Variants in MPRIP observed in about 807,000 individuals in gnomAD.
MPRIP encodes myosin phosphatase Rho interacting protein, also known as myosin phosphatase Rho-interacting protein.
A neutral mutation model predicts 234.9 loss-of-function variants in MPRIP; 59 were observed. The observed-to-expected ratio is 0.25, with a 90% CI of 0.20 to 0.31. The LOEUF is 0.31. Ranked by LOEUF, MPRIP falls within the 10% of genes least tolerant of loss-of-function variation. The pLI, the probability that MPRIP is intolerant of heterozygous loss-of-function variation, is 1.00. For synonymous variants in MPRIP, 1,144 were observed against 1,263.9 expected, an observed-to-expected ratio of 0.91 and a Z score of 2.01; for missense variants, 2,436 against 3,071.0, an observed-to-expected ratio of 0.79 and a Z score of 4.89.
intron 3 of MPRIP, among the ~76,000 whole-genome samples, chr17:17,126,092 A>C (rs1423401652): frequency 1.3e-5 from 2 of 152,150 alleles, no homozygotes; most frequent in Admixed American, 1.3e-4. Context: ...TTCTGTCCCT[A>C]ATTTCAGTGT....
chr17:17,110,866 CA>C (rs1189140894), intron 3 of MPRIP, among the ~76,000 whole-genome samples: 2 of 152,146 alleles, frequency 1.3e-5, no homozygotes, highest in African/African-American at 4.8e-5. Context: ...CCTCAGGGGA[CA>C]GGACACTTAA....
intron 3 of MPRIP, among the ~76,000 whole-genome samples, chr17:17,090,823 G>A (rs1374008610): frequency 6.6e-6 from 1 of 152,162 alleles, no homozygotes; most frequent in Non-Finnish European, 1.5e-5. Flanking sequence ...CTGGTGGGTG[G>A]AGCTACTCTG....
At chr17:17,081,381 G>T (rs933573826) in intron 3 of MPRIP, among the ~76,000 whole-genome samples, 1 of 152,192 alleles carries the variant, frequency 6.6e-6, no homozygotes, top group South Asian at 2.1e-4. Context: ...GCCTTGCTGC[G>T]TAATTTCTGC....
Position 17,142,647 on chromosome 17 carries a change from A to C in MPRIP, c.1271A>C (p.Lys424Thr). 25 of 1,611,860 alleles carry C rather than the reference A, an allele frequency of 1.6e-5. No homozygotes were observed. Among genetic ancestry groups the C allele is most frequent in the Non-Finnish European group, 2.0e-5 (24 of 1,179,948 alleles). The change falls in exon 8 of 24, where the codon AAG (lysine) becomes ACG (threonine). Residue 424 changes from lysine (K) to threonine (T), a missense_variant. By Grantham distance (78) the Lys-to-Thr change is moderately conservative. This residue lies in a region of MPRIP where 267 missense variants were observed against 252.7 expected (regional missense o/e 1.06). Coordinates refer to ENST00000651222, the MANE Select transcript of MPRIP (RefSeq NM_001364716.4). ...TGCAGGAGGTCCCAGGTGATTGAAA[A>C]GTTTGAGGCCTTGGACATTGAGAAG... Reference protein sequence around the residue: ...NERRRSQVIEKFEALDIEKAE... With the variant: ...NERRRSQVIETFEALDIEKAE...
chr17:17,064,027 G>T (rs1205491787), intron 1 of MPRIP, among the ~76,000 whole-genome samples: 1 of 152,170 alleles, frequency 6.6e-6, no homozygotes, highest in East Asian at 1.9e-4. Context: ...TTGAGAGAAG[G>T]GATGTGGGTG....
chr17:17,086,147 T>TA (rs142621875), intron 3 of MPRIP, among the ~76,000 whole-genome samples: 4,896 of 152,298 alleles, frequency 0.032, 104 homozygotes, highest in Non-Finnish European at 0.046. Flanking sequence ...CCCATGTTTA[T>TA]AGGTGAACTC....
Position 17,136,396 on chromosome 17 carries a change from A to T in MPRIP, c.682A>T (p.Ser228Cys). The T allele has an allele frequency of 1.9e-6, 3 of 1,610,214 alleles. No individual in the cohort carries two copies. The highest frequency in any genetic ancestry group is 2.5e-6 in the Non-Finnish European group (3 of 1,178,210). ...SLSPAQSPSQSQPPAASSLRE... is the reference protein window; with the variant it reads ...SLSPAQSPSQCQPPAASSLRE... Reference sequence around the variant, plus strand: ...GAGTCCAGCTCAGAGTCCCAGCCAGAGCCAGCCTCCTGCTGCCAGCTCCCT... The same window carrying T: ...GAGTCCAGCTCAGAGTCCCAGCCAGTGCCAGCCTCCTGCTGCCAGCTCCCT... Residue 228 changes from serine to cysteine, a missense_variant, in exon 6 of 24, where the codon AGC becomes TGC. Around this residue, in one of 4 missense-constraint regions of MPRIP, gnomAD observed 267 missense variants for 252.7 expected, o/e 1.06. Transcript: ENST00000651222.
intron 1 of MPRIP, among the ~76,000 whole-genome samples, chr17:17,064,284 C>T (rs533446107): frequency 4.6e-5 from 7 of 151,514 alleles, no homozygotes; most frequent in Non-Finnish European, 7.4e-5. Context: ...TCACTGCAAC[C>T]TCCGCTTCCT....
At chr17:17,088,635 T>C (rs1415387152) in intron 3 of MPRIP, among the ~76,000 whole-genome samples, 3 of 152,192 alleles carry the variant, frequency 2.0e-5, no homozygotes, top group Non-Finnish European at 4.4e-5. Context: ...GCACATCCCT[T>C]CCACTCTCAC....
rs1017502694 is a variant in MPRIP, at chr17:17,190,491, T to G, written c.*5597T>G. The G allele has an allele frequency of 1.3e-5, 2 of 152,238 alleles. No homozygotes were observed. Among genetic ancestry groups the G allele is most frequent in the Non-Finnish European group, 2.9e-5 (2 of 68,052 alleles). 9.4% of individuals were successfully genotyped at this position (152,238 alleles called of 1,614,324 possible). A position where few individuals can be genotyped will look rare whatever the true frequency, so the allele number is the denominator to read the frequency against. ...AGGCTAGTAATACCGTGCTGTAGGC[T>G]CTTTAAAAGGAAAGCCTGGCATAAA... On this transcript the variant is annotated 3_prime_UTR_variant, in exon 24 of 24. Coordinates refer to ENST00000651222, the MANE Select transcript of MPRIP (RefSeq NM_001364716.4).
chr17:17,098,838 C>T (rs907846169), intron 3 of MPRIP, among the ~76,000 whole-genome samples: 2 of 152,148 alleles, frequency 1.3e-5, no homozygotes, highest in Non-Finnish European at 2.9e-5. Flanking sequence ...GACAGAGCCT[C>T]AGACCCCTCC....
At position 17,166,239 on chromosome 17, in the gene MPRIP, C is replaced by G; in HGVS notation, c.4648C>G (p.Gln1550Glu). 2.3e-6 allele frequency: 3 copies of G among 1,303,876 alleles called. No individual in the cohort carries two copies. Among genetic ancestry groups the G allele is most frequent in the Non-Finnish European group, 3.0e-6 (3 of 988,760 alleles). The allele number at this position is 1,303,876 out of a possible 1,614,324, so 80.8% of individuals were successfully genotyped here. A position where few individuals can be genotyped will look rare whatever the true frequency, so the allele number is the denominator to read the frequency against. Residue 1550 changes from glutamine to glutamate, a missense_variant, in exon 16 of 24, where the codon CAG becomes GAG. Physicochemically the swap from Gln to Glu is conservative, Grantham distance 29. Transcript: ENST00000651222. This position sits in a 1 kb window ranked among gnomAD's most constrained non-coding sequence, Gnocchi z 4.4. ...EENGKPASLQ[Q>E]CSQSELTEQE... ...GAATGGGAAGCCTGCCTCCCTGCAG[C>G]AGTGCTCCCAGTCTGAGTTGACAGA... is the stretch of plus-strand genomic sequence containing the variant.
chr17:17,169,752 T>C (rs573485319), intron 16 of MPRIP, among the ~76,000 whole-genome samples: 2 of 152,360 alleles, frequency 1.3e-5, no homozygotes, highest in South Asian at 4.1e-4. Context: ...GATTTCCACT[T>C]GGGTCGTTGG....
At chr17:17,075,657 C>G in intron 1 of MPRIP, 53 bp from the exon 2 acceptor site, 2 of 1,496,354 alleles carry the variant, frequency 1.3e-6, no homozygotes, top group Non-Finnish European at 1.9e-6. Context: ...TTGACCTGTT[C>G]TCTCTTCTGG....
chr17:17,071,152 T>C (rs1345721121), intron 1 of MPRIP, among the ~76,000 whole-genome samples: 3 of 152,162 alleles, frequency 2.0e-5, no homozygotes, highest in Non-Finnish European at 4.4e-5. Flanking sequence ...GGCCGGGGTG[T>C]GGGGCACCTC....
chr17:17,151,038 T>C (rs200321679), intron 12 of MPRIP, among the ~76,000 whole-genome samples: 1 of 108,770 alleles, frequency 9.2e-6, no homozygotes, highest in African/African-American at 2.7e-5. Context: ...TTATTATTAT[T>C]ATTATCATTA....
intron 3 of MPRIP, among the ~76,000 whole-genome samples, chr17:17,079,975 T>C (rs1356569501): frequency 1.3e-5 from 2 of 152,180 alleles, no homozygotes; most frequent in African/African-American, 4.8e-5. Flanking sequence ...CATGGAGTGC[T>C]CAGGCAGAGG....
intron 3 of MPRIP, among the ~76,000 whole-genome samples, chr17:17,082,441 A>G (rs939933158): frequency 1.3e-5 from 2 of 151,790 alleles, no homozygotes; most frequent in Admixed American, 1.3e-4. Context: ...GATTACAGGC[A>G]TGGGCCACCA....
intron 1 of MPRIP, among the ~76,000 whole-genome samples, chr17:17,066,169 A>G (rs2089019249): frequency 6.6e-6 from 1 of 152,164 alleles, no homozygotes. Context: ...TTCGCGCACT[A>G]TGTTGAATAA....
Sources: gnomAD v4.1 joint callset for allele counts (sites outside exome capture counted in the v4.1 genomes callset) on GRCh38, gnomAD v4.1.1 for gene constraint, gnomAD v4.1.1 regional missense constraint, Gnocchi (gnomAD v3.1) non-coding constraint, MANE v1.5 for transcripts, NCBI Gene and HGNC (gene_info 2026-07-23, HGNC 2026-07-21) for gene names.